CDYL: variants seen among roughly 807,000 people sequenced by gnomAD.
CDYL encodes the protein chromodomain Y like.
In CDYL, 8 loss-of-function variants were observed where a neutral mutation model predicts 47.3. That is an observed-to-expected ratio of 0.17 (90% confidence interval 0.10 to 0.31). CDYL has a LOEUF of 0.31. Among genes scored for constraint, CDYL ranks in the 10% least tolerant of loss-of-function variants. The probability of loss-of-function intolerance (pLI) is 1.00; values close to 1 mark genes in which losing one functional copy is unlikely to be tolerated. For missense variants in CDYL, 471 were observed against 701.4 expected (o/e 0.67, Z 3.71); for synonymous variants, 266 against 265.0 (o/e 1.00, Z -0.04).
Position 4,776,686 on chromosome 6 carries a change from G to A in CDYL, c.-98G>A, listed in dbSNP as rs1338240278. 9.8e-6 allele frequency: 11 copies of A among 1,119,414 alleles called. No individual in the cohort carries two copies. In the East Asian group the frequency reaches 3.7e-4, roughly 38 times the overall value. 69.3% of individuals were successfully genotyped at this position (1,119,414 alleles called of 1,614,324 possible). On this transcript the variant is annotated 5_prime_UTR_variant, in exon 1 of 7. Transcript: ENST00000397588. Reference sequence around the variant, plus strand: ...CCGGCCGGCCGCGGGAGCAGGAAGCGCAGGCCACGCAGGACCCAACTGAAA... The same window carrying A: ...CCGGCCGGCCGCGGGAGCAGGAAGCACAGGCCACGCAGGACCCAACTGAAA...
At chr6:4,770,194 C>T (rs757731829) in intron 3 of CDYL, among the ~76,000 whole-genome samples, 11 of 152,124 alleles carry the variant, frequency 7.2e-5, no homozygotes, top group South Asian at 2.1e-4. Flanking sequence ...TTGCCAGCTA[C>T]GTGAGAGCAG....
At chr6:4,939,669 C>A (rs1379097384) in intron 4 of CDYL, among the ~76,000 whole-genome samples, 1 of 152,174 alleles carries the variant, frequency 6.6e-6, no homozygotes, top group African/African-American at 2.4e-5. Context: ...TCTTGTTCTT[C>A]AGTTTAAGAT....
At chr6:4,792,680 C>A (rs1758959813) in intron 1 of CDYL, among the ~76,000 whole-genome samples, 1 of 152,088 alleles carries the variant, frequency 6.6e-6, no homozygotes, top group African/African-American at 2.4e-5. Flanking sequence ...AAGTGATCTG[C>A]CCACCTTGGC....
At chr6:4,794,322 C>T (rs1759010531) in intron 1 of CDYL, among the ~76,000 whole-genome samples, 1 of 152,064 alleles carries the variant, frequency 6.6e-6, no homozygotes, top group South Asian at 2.1e-4. Context: ...TTTGGTGCTG[C>T]TGAGGACTGA....
intron 3 of CDYL, among the ~76,000 whole-genome samples, chr6:4,749,702 A>C (rs1227060554): frequency 6.6e-6 from 1 of 152,248 alleles, no homozygotes; most frequent in East Asian, 1.9e-4. Flanking sequence ...AATAAGTTAT[A>C]ATCTCATCGG....
intron 1 of CDYL, among the ~76,000 whole-genome samples, chr6:4,812,948 A>G (rs907773533): frequency 6.6e-6 from 1 of 152,082 alleles, no homozygotes; most frequent in Non-Finnish European, 1.5e-5. Flanking sequence ...TTTCTTTTAG[A>G]TTTATTCTTA....
intron 2 of CDYL, chr6:4,724,530 G>C (rs938688110): frequency 1.3e-5 from 2 of 152,324 alleles, no homozygotes; most frequent in Admixed American, 6.5e-5. Flanking sequence ...GCAGACCCTC[G>C]CTCTGAGTGT....
chr6:4,892,609 C>G (rs1762082887), intron 2 of CDYL, among the ~76,000 whole-genome samples: 1 of 152,256 alleles, frequency 6.6e-6, no homozygotes, highest in African/African-American at 2.4e-5. Flanking sequence ...TGCTACCACA[C>G]TGACTTGCTT....
chr6:4,714,605 G>C (rs1392485550), intron 1 of CDYL: 1 of 152,258 alleles, frequency 6.6e-6, no homozygotes, highest in East Asian at 1.9e-4. Flanking sequence ...CAGGCTGCCA[G>C]CTTCTGCAGA....
intron 1 of CDYL, among the ~76,000 whole-genome samples, chr6:4,709,495 C>T (rs1487524250): frequency 2.6e-5 from 4 of 152,120 alleles, no homozygotes; most frequent in Non-Finnish European, 2.9e-5. Flanking sequence ...TGCACCCAGC[C>T]GCCCCCAGTC....
intron 3 of CDYL, among the ~76,000 whole-genome samples, chr6:4,736,042 C>T (rs1394148450): frequency 1.3e-5 from 2 of 152,058 alleles, no homozygotes; most frequent in African/African-American, 4.8e-5. Context: ...AATGTTGTAC[C>T]CTTTGACCAA....
chr6:4,834,940 CT>C lies in CDYL; in HGVS notation c.25-56771del, dbSNP rs1282686437. Among the ~76,000 whole-genome samples the C allele has an allele frequency of 2.0e-5, 3 of 152,162 alleles. No homozygotes were observed. In the East Asian group the frequency reaches 5.8e-4, roughly 29 times the overall value. On this transcript the variant is annotated intron_variant, in intron 1 of 6. Transcript: ENST00000397588. Reference sequence around the variant, plus strand: ...TCAGCTCCATCAGCCCCTTTAAGCACTTCTCTGTATTGGTTATTCTAGTTAT... The same window carrying C: ...TCAGCTCCATCAGCCCCTTTAAGCACTCTCTGTATTGGTTATTCTAGTTAT...
chr6:4,723,483 A>ATCT (rs1162268593), intron 2 of CDYL, among the ~76,000 whole-genome samples: 1 of 152,120 alleles, frequency 6.6e-6, no homozygotes, highest in Non-Finnish European at 1.5e-5. Context: ...TAGTTAGAGA[A>ATCT]AACAATGAAC....
At chr6:4,807,591 C>CTTTT (rs70974139) in intron 1 of CDYL, among the ~76,000 whole-genome samples, 3 of 42,942 alleles carry the variant, frequency 7.0e-5, no homozygotes, top group African/African-American at 8.9e-5. Flanking sequence ...TCATTCATGT[C>CTTTT]TTTTTTTTTT....
At chr6:4,880,505 T>G (rs753023925) in intron 1 of CDYL, among the ~76,000 whole-genome samples, 18 of 152,360 alleles carry the variant, frequency 1.2e-4, no homozygotes, top group Middle Eastern at 3.4e-3. Flanking sequence ...AATATTTGTT[T>G]GGAAAGTTTT....
intron 1 of CDYL, among the ~76,000 whole-genome samples, chr6:4,870,388 T>G (rs1053331539): frequency 2.0e-5 from 3 of 152,368 alleles, no homozygotes; most frequent in Admixed American, 2.0e-4. Flanking sequence ...GTATATATTT[T>G]TATTCCTGTA....
At chr6:4,917,756 T>C (rs1039932389) in intron 2 of CDYL, among the ~76,000 whole-genome samples, 2 of 152,084 alleles carry the variant, frequency 1.3e-5, no homozygotes, top group African/African-American at 2.4e-5. Flanking sequence ...AGGGAGAAGG[T>C]TGAAGTAGAC....
intron 3 of CDYL, among the ~76,000 whole-genome samples, chr6:4,763,261 A>G (rs1287952607): frequency 6.6e-6 from 1 of 152,214 alleles, no homozygotes; most frequent in Non-Finnish European, 1.5e-5. Context: ...TAGCAGAAGG[A>G]AAATATCCAG....
intron 5 of CDYL, among the ~76,000 whole-genome samples, chr6:4,948,912 G>A (rs999335626): frequency 9.2e-5 from 14 of 152,208 alleles, no homozygotes; most frequent in African/African-American, 2.9e-4. Context: ...AAATGATGTC[G>A]TTCCTTTCAT....
Sources: gnomAD v4.1 joint callset for allele counts (sites outside exome capture counted in the v4.1 genomes callset) on GRCh38, gnomAD v4.1.1 for gene constraint, MANE v1.5 for transcripts, NCBI Gene and HGNC (gene_info 2026-07-23, HGNC 2026-07-21) for gene names.